The following RALGAPB variants were observed in gnomAD, a reference collection of about 807,000 sequenced individuals.
RALGAPB encodes Ral GTPase activating protein non-catalytic subunit beta, also known as ral GTPase-activating protein subunit beta.
Under a neutral mutation model 161.1 loss-of-function variants are expected in RALGAPB, and 25 were observed. The observed-to-expected ratio is 0.16, with a 90% confidence interval of 0.11 to 0.22. The LOEUF (loss-of-function observed/expected upper bound fraction) is 0.22, where lower values mean the gene tolerates loss of function less well. Ranked by LOEUF, RALGAPB falls within the 10% of genes least tolerant of loss-of-function variation. The pLI is 1.00. For synonymous variants in RALGAPB, 629 were observed against 626.1 expected (o/e 1.00, Z -0.07); for missense variants, 1,391 against 1,815.2 (o/e 0.77, Z 4.25).
intron 6 of RALGAPB, among the ~76,000 whole-genome samples, chr20:38,510,858 C>T (rs1350140317): frequency 1.1e-4 from 13 of 116,366 alleles, no homozygotes; most frequent in African/African-American, 2.7e-4. Flanking sequence ...TGCAGTGAGC[C>T]GAGATTGCGC....
At chr20:38,484,177 C>CA (rs1246550154) in intron 1 of RALGAPB, among the ~76,000 whole-genome samples, 15 of 151,572 alleles carry the variant, frequency 9.9e-5, no homozygotes, top group African/African-American at 2.9e-4. Context: ...GACTCCATCT[C>CA]AAAAAAAAGA....
At chr20:38,487,815 C>T (rs1161914915) in intron 1 of RALGAPB, among the ~76,000 whole-genome samples, 1 of 152,082 alleles carries the variant, frequency 6.6e-6, no homozygotes, top group Non-Finnish European at 1.5e-5. Flanking sequence ...ACCTGTAATC[C>T]CAGCACTTTG....
chr20:38,491,032 C>G lies in RALGAPB; in HGVS notation c.187-1898C>G, dbSNP rs551867729. On this transcript the variant is annotated intron_variant, in intron 2 of 29. Coordinates refer to ENST00000262879, the MANE Select transcript of RALGAPB (RefSeq NM_020336.4). ...TCTGATAATTAGGGACCTGCAATGT[C>G]TTTTAGAATCTCTTCTCTTATGTGG... Among the ~76,000 whole-genome samples, 3 of 152,334 alleles carry G rather than the reference C, an allele frequency of 2.0e-5. No homozygotes were observed. In the South Asian group the frequency reaches 6.2e-4, roughly 32 times the overall value.
chr20:38,562,493 G>A (rs771442850), intron 23 of RALGAPB, 39 bp from the exon 24 acceptor site: 2 of 1,479,568 alleles, frequency 1.4e-6, no homozygotes, highest in Admixed American at 2.2e-5. Flanking sequence ...ATATTATTTT[G>A]TTTCCTTCAT....
intron 13 of RALGAPB, among the ~76,000 whole-genome samples, chr20:38,527,556 TG>T (rs1288736498): frequency 2.0e-5 from 3 of 152,232 alleles, no homozygotes; most frequent in African/African-American, 7.2e-5. Context: ...TTGTTCAGGC[TG>T]GGCTTTTAGA....
chr20:38,565,628 C>T, intron 25 of RALGAPB, 150 bp downstream of exon 25: 2 of 956,516 alleles, frequency 2.1e-6, no homozygotes, highest in Non-Finnish European at 2.9e-6. Flanking sequence ...CACAAGATGT[C>T]TTCTCTTAAC....
At position 38,509,062 on chromosome 20, in the gene RALGAPB, G is replaced by A. The variant is rs1294669733; in HGVS notation, c.741-15G>A. The A allele has an allele frequency of 6.2e-7, 1 of 1,611,636 alleles. No individual in the cohort carries two copies. Among genetic ancestry groups the A allele is most frequent in the Admixed American group, 1.7e-5 (1 of 59,966 alleles). ...TGTTAAGAAATGGACTCAGTGGTGT[G>A]CATTTATTTTCTAGATTGCTACGCT... On this transcript the variant is annotated splice_polypyrimidine_tract_variant and intron_variant, in intron 5 of 29. Coordinates refer to ENST00000262879, the MANE Select transcript of RALGAPB (RefSeq NM_020336.4).
chr20:38,524,122 T>G (rs2086381723), intron 10 of RALGAPB, among the ~76,000 whole-genome samples: 1 of 152,128 alleles, frequency 6.6e-6, no homozygotes, highest in African/African-American at 2.4e-5. Flanking sequence ...AACGGGAGAT[T>G]GAATGCTTAG....
intron 19 of RALGAPB, among the ~76,000 whole-genome samples, chr20:38,548,352 A>G (rs990204658): frequency 1.3e-5 from 2 of 152,240 alleles, no homozygotes; most frequent in African/African-American, 4.8e-5. Context: ...AAATGTGTAC[A>G]TGTACCATTG....
At chr20:38,483,930 C>T (rs1052124524) in intron 1 of RALGAPB, among the ~76,000 whole-genome samples, 4 of 152,118 alleles carry the variant, frequency 2.6e-5, no homozygotes, top group African/African-American at 9.7e-5. Flanking sequence ...GTGGCTCATG[C>T]CTGTAATCCC....
At chr20:38,484,859 C>T (rs1447725588) in intron 1 of RALGAPB, among the ~76,000 whole-genome samples, 3 of 152,082 alleles carry the variant, frequency 2.0e-5, no homozygotes, top group Non-Finnish European at 4.4e-5. Flanking sequence ...CCATGCCTGG[C>T]TAATTTTGTA....
chr20:38,511,523 T>G (rs1252436786), intron 6 of RALGAPB, among the ~76,000 whole-genome samples: 1 of 151,704 alleles, frequency 6.6e-6, no homozygotes, highest in Non-Finnish European at 1.5e-5. Context: ...GATTAGGGAG[T>G]GGTGATGACT....
At chr20:38,475,226 T>C (rs566479127) in intron 1 of RALGAPB, among the ~76,000 whole-genome samples, 4 of 152,352 alleles carry the variant, frequency 2.6e-5, no homozygotes, top group African/African-American at 9.6e-5. Flanking sequence ...ACTGCCTTGT[T>C]GGTATTTGGT....
chr20:38,559,062 T>G (rs1568976043), intron 23 of RALGAPB, among the ~76,000 whole-genome samples: 1 of 152,224 alleles, frequency 6.6e-6, no homozygotes, highest in African/African-American at 2.4e-5. Flanking sequence ...CTATGATGCT[T>G]AGAGTCCTGA....
chr20:38,548,316 G>A (rs956470281), intron 19 of RALGAPB, among the ~76,000 whole-genome samples: 6 of 152,210 alleles, frequency 3.9e-5, no homozygotes, highest in African/African-American at 1.4e-4. Flanking sequence ...GAGGTTAAGA[G>A]TATTTACTAG....
At chr20:38,497,286 C>T in intron 3 of RALGAPB, 67 bp from the exon 4 acceptor site, 1 of 1,465,028 alleles carries the variant, frequency 6.8e-7, no homozygotes, top group Admixed American at 1.9e-5. Flanking sequence ...ATCCATAAGT[C>T]ACCTGTCCTG....
At chr20:38,555,260 A>C (rs1012847063) in intron 22 of RALGAPB, among the ~76,000 whole-genome samples, 1 of 152,234 alleles carries the variant, frequency 6.6e-6, no homozygotes, top group Non-Finnish European at 1.5e-5. Flanking sequence ...TTATTGCATA[A>C]CTTGTCCCTT....
At chr20:38,530,120 G>A (rs1044777194) in intron 13 of RALGAPB, among the ~76,000 whole-genome samples, 1 of 151,978 alleles carries the variant, frequency 6.6e-6, no homozygotes, top group Admixed American at 6.6e-5. Flanking sequence ...ATGAAAACAT[G>A]TGAGAACCAT....
intron 3 of RALGAPB, among the ~76,000 whole-genome samples, chr20:38,493,561 G>T (rs2085335010): frequency 6.6e-6 from 1 of 152,182 alleles, no homozygotes; most frequent in South Asian, 2.1e-4. Flanking sequence ...TAAGCCAAAA[G>T]ATTCCTCTTG....
Sources: gnomAD v4.1 joint callset for allele counts (sites outside exome capture counted in the v4.1 genomes callset) on GRCh38, gnomAD v4.1.1 for gene constraint, MANE v1.5 for transcripts, NCBI Gene and HGNC (gene_info 2026-07-23, HGNC 2026-07-21) for gene names.